The following PIGN variants were observed in gnomAD, a reference collection of about 807,000 sequenced individuals.
PIGN encodes GPI ethanolamine phosphate transferase 1.
A neutral mutation model predicts 125.4 loss-of-function variants in PIGN; 117 were observed. The ratio of observed to expected loss-of-function variants is 0.93; its 90% CI spans 0.80 to 1.09. The LOEUF is 1.09. PIGN is among the 50% of genes least tolerant of loss of function. PIGN has a pLI of 0.00. For synonymous variants in PIGN, 392 were observed against 377.8 expected (o/e 1.04, Z -0.44); for missense variants, 1,075 against 1,094.9 (o/e 0.98, Z 0.26).
intron 4 of PIGN, among the ~76,000 whole-genome samples, chr18:62,159,828 A>T (rs2036877421): frequency 6.6e-6 from 1 of 152,152 alleles, no homozygotes; most frequent in South Asian, 2.1e-4. Context: ...AAGAAAAATA[A>T]AACAGGCCAG....
At chr18:62,024,892 T>C (rs1254588968) in intron 23 of PIGN, among the ~76,000 whole-genome samples, 1 of 152,062 alleles carries the variant, frequency 6.6e-6, no homozygotes, top group Non-Finnish European at 1.5e-5. Context: ...TGGTGAAGAG[T>C]TGGAAATGTC....
At chr18:62,099,226 A>G (rs1393111476) in intron 22 of PIGN, among the ~76,000 whole-genome samples, 1 of 152,130 alleles carries the variant, frequency 6.6e-6, no homozygotes, top group Non-Finnish European at 1.5e-5. Flanking sequence ...TGATTCAAAA[A>G]GGCTAAAAAT....
chr18:62,038,372 T>C (rs1345673638), downstream of PIGN, among the ~76,000 whole-genome samples: 2 of 144,138 alleles, frequency 1.4e-5, no homozygotes, highest in Admixed American at 1.5e-4. Flanking sequence ...TTTCACTTAA[T>C]TGAACTTGGC....
intron 28 of PIGN, among the ~76,000 whole-genome samples, chr18:62,076,804 C>T (rs1432698543): frequency 6.6e-6 from 1 of 152,100 alleles, no homozygotes; most frequent in Non-Finnish European, 1.5e-5. Flanking sequence ...AGTATAATTC[C>T]ATTCAGACAC....
intron 7 of PIGN, among the ~76,000 whole-genome samples, chr18:62,150,274 G>A (rs528033345): frequency 8.5e-5 from 13 of 152,240 alleles, no homozygotes; most frequent in African/African-American, 2.6e-4. Flanking sequence ...GTGAGCCACC[G>A]CGCCCAGCCT....
Position 62,135,946 on chromosome 18 carries a change from T to C in PIGN, c.1172+2297A>G, listed in dbSNP as rs1224373756. 6 of 152,326 alleles carry C rather than the reference T, an allele frequency of 3.9e-5. No individual in the cohort carries two copies. In the East Asian group the frequency reaches 7.7e-4, roughly 20 times the overall value. 9.4% of individuals were successfully genotyped at this position (152,326 alleles called of 1,614,324 possible). ...ATAAAAGGAATTGATAATGTATTCC[T>C]TATTCACTTCTTCATTTGGTTATAG... is the stretch of plus-strand genomic sequence containing the variant. On this transcript the variant is annotated intron_variant, in intron 14 of 30. Coordinates refer to ENST00000640252, the MANE Select transcript of PIGN (RefSeq NM_176787.5).
chr18:62,052,446 C>G (rs1014819913), intron 30 of PIGN: 4 of 150,080 alleles, frequency 2.7e-5, no homozygotes, highest in African/African-American at 9.8e-5. Flanking sequence ...GATCCCTTTA[C>G]CATTATGTAA....
At chr18:62,103,952 T>TTG (rs2034543469) in intron 20 of PIGN, among the ~76,000 whole-genome samples, 1 of 152,220 alleles carries the variant, frequency 6.6e-6, no homozygotes, top group East Asian at 1.9e-4. Context: ...TGTTTTTACT[T>TTG]TAGAACACTG....
At chr18:62,084,925 T>C (rs1007624365) in intron 26 of PIGN, among the ~76,000 whole-genome samples, 56 of 152,070 alleles carry the variant, frequency 3.7e-4, no homozygotes, top group African/African-American at 1.3e-3. Flanking sequence ...CTGACCAACA[T>C]AGTGAAACCC....
At chr18:62,023,193 A>G (rs2030074603) in intron 23 of PIGN, among the ~76,000 whole-genome samples, 1 of 152,084 alleles carries the variant, frequency 6.6e-6, no homozygotes, top group South Asian at 2.1e-4. Flanking sequence ...CATTTTCATC[A>G]CCCCTAAAAG....
chr18:62,154,598 A>T lies in PIGN; in HGVS notation c.496T>A (p.Phe166Ile). ...TYSYDAKRED[F>I]GAQDATKLDT... Reference sequence around the variant, plus strand: ...AGTTTTGTTGCATCTTGAGCACCAAAATCCTCTCTTTTAGCATCATAACTA... The same window carrying T: ...AGTTTTGTTGCATCTTGAGCACCAATATCCTCTCTTTTAGCATCATAACTA... The change falls in exon 7 of 31, where the codon TTT becomes ATT. Residue 166 changes from phenylalanine (F) to isoleucine (I), a missense_variant. Physicochemically the swap from Phe to Ile is conservative, Grantham distance 21. Around this residue, in one of 3 missense-constraint regions of PIGN, gnomAD observed 915 missense variants for 908.7 expected, o/e 1.01. Coordinates refer to ENST00000640252, the MANE Select transcript of PIGN (RefSeq NM_176787.5). 1 of 1,597,728 alleles carries T rather than the reference A, an allele frequency of 6.3e-7. No homozygotes were observed.
At chr18:62,125,112 AT>A (rs2035467590) in intron 14 of PIGN, among the ~76,000 whole-genome samples, 1 of 103,798 alleles carries the variant, frequency 9.6e-6, no homozygotes, top group Non-Finnish European at 2.5e-5. Flanking sequence ...ACGTTTGTAC[AT>A]ATGTGTATAT....
intron 1 of PIGN, among the ~76,000 whole-genome samples, chr18:62,175,051 AT>A (rs899128165): frequency 2.9e-5 from 4 of 137,340 alleles, no homozygotes; most frequent in East Asian, 2.1e-4. Flanking sequence ...ATAAATATAT[AT>A]TTTTATATAT....
In PIGN at chr18:62,057,564, C is replaced by T. The variant is rs575632289; in HGVS notation, c.2673-11585G>A. On this transcript the variant is annotated intron_variant, in intron 30 of 30. Coordinates refer to ENST00000640252, the MANE Select transcript of PIGN (RefSeq NM_176787.5). ...GCCTCTTCCTCAATCTTCCTTCTCC[C>T]TCTCTCGATCCCTCCAATAGGTTCT... Among the ~76,000 whole-genome samples, 386 of 152,338 alleles carry T rather than the reference C, an allele frequency of 2.5e-3. 2 individuals are homozygous for T. The highest frequency in any genetic ancestry group is 8.7e-3 in the African/African-American group (361 of 41,584).
chr18:62,058,618 TA>T (rs766470529), intron 30 of PIGN, among the ~76,000 whole-genome samples: 44 of 152,322 alleles, frequency 2.9e-4, no homozygotes, highest in African/African-American at 9.9e-4. Flanking sequence ...AAATTAAAGC[TA>T]AAAGGACATA....
chr18:62,062,995 C>A (rs2032273290), intron 30 of PIGN, among the ~76,000 whole-genome samples: 1 of 142,852 alleles, frequency 7.0e-6, no homozygotes, highest in African/African-American at 2.6e-5. Context: ...AGGTACCACA[C>A]AAATATCAAG....
intron 7 of PIGN, among the ~76,000 whole-genome samples, chr18:62,150,473 A>G (rs1171711264): frequency 1.3e-5 from 2 of 152,230 alleles, no homozygotes; most frequent in Non-Finnish European, 2.9e-5. Context: ...CAGAAGACCT[A>G]ATAGAGAAGA....
rs73458722 is a variant in PIGN, at chr18:62,127,131, G to T, written c.1172+11112C>A. Among the ~76,000 whole-genome samples the T allele has an allele frequency of 1.0e-2, 1,514 of 152,132 alleles. 20 individuals carry two copies. Among genetic ancestry groups the T allele is most frequent in the East Asian group, 0.049 (253 of 5,168 alleles). Reference sequence around the variant, plus strand: ...TGTTTACTAATTCTGTTACTTGGGGGAAGTATCATTCTGATTCAGTTTCCT... The same window carrying T: ...TGTTTACTAATTCTGTTACTTGGGGTAAGTATCATTCTGATTCAGTTTCCT... On this transcript the variant is annotated intron_variant, in intron 14 of 30. Coordinates refer to ENST00000640252, the MANE Select transcript of PIGN (RefSeq NM_176787.5).
chr18:62,103,187 T>TA (rs1291016207), intron 20 of PIGN, among the ~76,000 whole-genome samples: 1 of 152,146 alleles, frequency 6.6e-6, no homozygotes, highest in Non-Finnish European at 1.5e-5. Context: ...TAATTTAATT[T>TA]AAAAAAATTT....
Sources: allele counts gnomAD v4.1 joint callset (sites outside exome capture counted in the v4.1 genomes callset), GRCh38; gene constraint gnomAD v4.1.1; regional missense constraint gnomAD v4.1.1; transcripts MANE v1.5; gene names NCBI Gene and HGNC (gene_info 2026-07-23, HGNC 2026-07-21).